Variants in TMCO5A observed in about 807,000 individuals in gnomAD.
TMCO5A encodes the protein transmembrane and coiled-coil domain-containing protein 5A.
A neutral mutation model predicts 42.3 loss-of-function variants in TMCO5A; 34 were observed. That is an observed-to-expected ratio of 0.80 (90% CI 0.61 to 1.07). TMCO5A has a LOEUF of 1.07. Among genes scored for constraint, TMCO5A ranks in the 50% least tolerant of loss-of-function variants. The pLI is 0.00. For missense variants in TMCO5A, 357 were observed against 327.9 expected, an observed-to-expected ratio of 1.09 and a Z score of -0.69; for synonymous variants, 131 against 115.6, an observed-to-expected ratio of 1.13 and a Z score of -0.86.
chr15:37,973,442 T>C, the TMCO5A span, among the ~76,000 whole-genome samples: 4 of 152,212 alleles, frequency 2.6e-5, no homozygotes, highest in African/African-American at 9.7e-5. Context: ...ATGTCATCTC[T>C]GATTTCTTTG....
At chr15:37,940,913 A>G (rs942134546) in intron 6 of TMCO5A, among the ~76,000 whole-genome samples, 1 of 152,094 alleles carries the variant, frequency 6.6e-6, no homozygotes, top group Non-Finnish European at 1.5e-5. Context: ...GAAGCTCAGA[A>G]TTGAAGTTTA....
chr15:37,987,888 T>C, the TMCO5A span, among the ~76,000 whole-genome samples: 2 of 151,922 alleles, frequency 1.3e-5, no homozygotes, highest in Non-Finnish European at 2.9e-5. Flanking sequence ...TTTCTATTTC[T>C]GCCCAAAAAA....
the TMCO5A span, among the ~76,000 whole-genome samples, chr15:38,030,289 G>A: frequency 6.6e-6 from 1 of 152,202 alleles, no homozygotes; most frequent in African/African-American, 2.4e-5. Flanking sequence ...GTCAGTTCTG[G>A]TCACCATCCA....
At chr15:38,034,447 C>T in the TMCO5A span, among the ~76,000 whole-genome samples, 1 of 152,108 alleles carries the variant, frequency 6.6e-6, no homozygotes, top group Non-Finnish European at 1.5e-5. Context: ...GGAGAAAATG[C>T]ATAAGCTTCA....
At chr15:37,968,476 C>CT (rs1361875191), downstream of TMCO5A, among the ~76,000 whole-genome samples, 1 of 152,048 alleles carries the variant, frequency 6.6e-6, no homozygotes, top group Non-Finnish European at 1.5e-5. Context: ...AAACAGTTCA[C>CT]TAAAAGCCAG....
At chr15:37,992,279 C>A in the TMCO5A span, among the ~76,000 whole-genome samples, 1 of 151,958 alleles carries the variant, frequency 6.6e-6, no homozygotes, top group African/African-American at 2.4e-5. Context: ...TAGAGAAATG[C>A]AAATCAAAAC....
the TMCO5A span, among the ~76,000 whole-genome samples, chr15:38,029,194 GCTCT>G: frequency 6.6e-6 from 1 of 152,176 alleles, no homozygotes; most frequent in Admixed American, 6.5e-5. Context: ...AAGTTATTTG[GCTCT>G]CTGTGTTTAA....
Position 37,947,685 on chromosome 15 carries a change from A to G in TMCO5A, c.657A>G (p.Leu219=). The change falls in exon 11 of 12, where the codon TTA becomes TTG. Residue 219 remains leucine (L), a synonymous_variant. Transcript: ENST00000319669. ...CTCCTACCCAAAAGACAGCAAGATT[A>G]TTCAGTAAAAAGTAAGTAAAATATC... is the stretch of plus-strand genomic sequence containing the variant. ...EGTPTQKTAR[L]FSKKIFCCLF... 1.2e-6 allele frequency: 2 copies of G among 1,600,188 alleles called. No homozygotes were observed. The highest frequency in any genetic ancestry group is 2.2e-5 in the South Asian group (2 of 89,356).
chr15:37,951,370 A>C lies in TMCO5A; in HGVS notation c.*136A>C. ...TTTGCCTGCTTGACTACCTTCTGTC[A>C]CCACGTCATCTTTCCAGGATTAACC... On this transcript the variant is annotated 3_prime_UTR_variant, in exon 12 of 12. Transcript: ENST00000319669. The C allele has an allele frequency of 1.3e-6, 1 of 743,230 alleles. No homozygotes were observed. Among genetic ancestry groups the C allele is most frequent in the Non-Finnish European group, 2.2e-6 (1 of 455,894 alleles). 46.0% of individuals were successfully genotyped at this position (743,230 alleles called of 1,614,324 possible).
Position 37,947,676 on chromosome 15 carries a change from A to C in TMCO5A, c.648A>C (p.Thr216=), listed in dbSNP as rs764896913. The part of the protein sequence containing the change: ...QNNEGTPTQK[T]ARLFSKKIFC... ...TCCAGGGTACTCCTACCCAAAAGAC[A>C]GCAAGATTATTCAGTAAAAAGTAAG... Residue 216 remains threonine (T), a synonymous_variant, in exon 11 of 12, where the codon ACA becomes ACC. Transcript: ENST00000319669. 1 of 1,601,802 alleles carries C rather than the reference A, an allele frequency of 6.2e-7. No homozygotes were observed. Among genetic ancestry groups the C allele is most frequent in the South Asian group, 1.1e-5 (1 of 89,534 alleles).
At chr15:38,014,855 A>T in the TMCO5A span, among the ~76,000 whole-genome samples, 2 of 42,198 alleles carry the variant, frequency 4.7e-5, no homozygotes, top group African/African-American at 2.1e-4. Flanking sequence ...GAGAAAGATT[A>T]TATATATATA....
rs569129709 is a variant in TMCO5A at position 37,947,678 on chromosome 15, C to T, written c.650C>T (p.Ala217Val). 6.2e-7 allele frequency: 1 copy of T among 1,600,022 alleles called. No homozygotes were observed. Among genetic ancestry groups the T allele is most frequent in the Non-Finnish European group, 8.5e-7 (1 of 1,171,014 alleles). ...CAGGGTACTCCTACCCAAAAGACAG[C>T]AAGATTATTCAGTAAAAAGTAAGTA... ...NNEGTPTQKT[A>V]RLFSKKIFCC... is the part of the protein sequence containing the mutation. The change falls in exon 11 of 12, where the codon GCA (alanine) becomes GTA (valine). Residue 217 changes from alanine to valine, a missense_variant. Coordinates refer to ENST00000319669, the MANE Select transcript of TMCO5A (RefSeq NM_152453.4).
chr15:38,038,570 T>TA, the TMCO5A span, among the ~76,000 whole-genome samples: 1 of 152,054 alleles, frequency 6.6e-6, no homozygotes, highest in Admixed American at 6.5e-5. Context: ...CACGCCCGGC[T>TA]AATTTTTTAT....
the TMCO5A span, among the ~76,000 whole-genome samples, chr15:38,035,420 T>G: frequency 6.6e-6 from 1 of 152,144 alleles, no homozygotes; most frequent in African/African-American, 2.4e-5. Flanking sequence ...ACCAAACCAA[T>G]CTTTTCCTCC....
chr15:38,030,459 T>C, the TMCO5A span, among the ~76,000 whole-genome samples: 1 of 152,190 alleles, frequency 6.6e-6, no homozygotes, highest in Non-Finnish European at 1.5e-5. Flanking sequence ...ACAGCTGTCT[T>C]ATTATCACAG....
the TMCO5A span, among the ~76,000 whole-genome samples, chr15:38,004,096 C>T: frequency 0.016 from 2,407 of 152,078 alleles, 71 homozygotes; most frequent in African/African-American, 0.056. Context: ...TTATTCAGGA[C>T]CCAAGGGCTC....
chr15:38,031,947 C>T, the TMCO5A span, among the ~76,000 whole-genome samples: 1 of 151,738 alleles, frequency 6.6e-6, no homozygotes, highest in Non-Finnish European at 1.5e-5. Flanking sequence ...CCTTTCTTCA[C>T]CAGGACAATT....
At chr15:37,950,409 GAA>G (rs1890117990) in intron 11 of TMCO5A, among the ~76,000 whole-genome samples, 1 of 152,088 alleles carries the variant, frequency 6.6e-6, no homozygotes, top group Non-Finnish European at 1.5e-5. Context: ...TAGAGCAAGT[GAA>G]AGTTATGAAG....
In TMCO5A at chr15:37,964,882, C is replaced by T. The variant is rs150223711; in HGVS notation, c.669-1743C>T. ...AGTGCAATTTTTATCAAAATACCAA[C>T]GACATTCTTCACATAAATTTAAAAA... On this transcript the variant is annotated intron_variant, in intron 11 of 11. Transcript: ENST00000559502. Among the ~76,000 whole-genome samples the T allele has an allele frequency of 2.8e-4, 42 of 152,094 alleles. 1 individual carries two copies. The South Asian group carries it at 3.3e-3, about 12-fold the overall frequency.
Sources: gnomAD v4.1 joint callset for allele counts (sites outside exome capture counted in the v4.1 genomes callset) on GRCh38, gnomAD v4.1.1 for gene constraint, MANE v1.5 for transcripts, NCBI Gene and HGNC (gene_info 2026-07-23, HGNC 2026-07-21) for gene names.